Variants in TXNIP observed in about 807,000 individuals in gnomAD.
TXNIP encodes thioredoxin-interacting protein.
In TXNIP, 23 loss-of-function variants were observed where a neutral mutation model predicts 43.9. The ratio of observed to expected loss-of-function variants is 0.52; its 90% CI spans 0.38 to 0.74. TXNIP has a LOEUF of 0.74. Among genes scored for constraint, TXNIP ranks in the 30% least tolerant of loss-of-function variants. The pLI, the probability that TXNIP is intolerant of heterozygous loss-of-function variation, is 0.00. For missense variants in TXNIP, 555 were observed against 485.4 expected, an observed-to-expected ratio of 1.14 and a Z score of -1.35; for synonymous variants, 234 against 172.2, an observed-to-expected ratio of 1.36 and a Z score of -2.81.
In TXNIP at chr1:145,994,011, C is replaced by T; in HGVS notation, c.1140+5G>A. ...AAATTTAACAGTAAAGATGACAATC[C>T]TCACCTCAGTATAAGTCGGTGGTGG... On this transcript the variant is annotated splice_donor_5th_base_variant and intron_variant, in intron 7 of 7. Coordinates refer to ENST00000582401, the MANE Select transcript of TXNIP (RefSeq NM_006472.6). 6.2e-7 allele frequency: 1 copy of T among 1,614,140 alleles called. No individual in the cohort carries two copies.
rs1460375002 is a variant in TXNIP at position 145,992,642 on chromosome 1, G to A, written c.*1209C>T. Reference sequence around the variant, plus strand: ...GGGTGGAGCTCAGTGCTCTGACACAGGACAGTGAACAAAGTGCTATGGCTG... The same window carrying A: ...GGGTGGAGCTCAGTGCTCTGACACAAGACAGTGAACAAAGTGCTATGGCTG... On this transcript the variant is annotated 3_prime_UTR_variant, in exon 8 of 8. Coordinates refer to ENST00000582401, the MANE Select transcript of TXNIP (RefSeq NM_006472.6). The A allele has an allele frequency of 6.5e-6, 1 of 152,760 alleles. No homozygotes were observed. The highest frequency in any genetic ancestry group is 2.4e-5 in the African/African-American group (1 of 41,454). The allele number at this position is 152,760 out of a possible 1,614,324, so 9.5% of individuals were successfully genotyped here. A position where few individuals can be genotyped will look rare whatever the true frequency, so the allele number is the denominator to read the frequency against.
At position 145,993,860 on chromosome 1, in the gene TXNIP, A is replaced by G; in HGVS notation, c.1167T>C (p.Asn389=). ...CTTTTCTTCCACATGCTCACTGCAC[A>G]TTGTTGTTGAGGATGCAGGGATCCA... ...TEVDPCILNN[N]VQ is the part of the protein sequence containing the mutation. Residue 389 remains asparagine (N), a synonymous_variant, in exon 8 of 8, where the codon AAT becomes AAC. Transcript: ENST00000582401. 1 of 1,614,198 alleles carries G rather than the reference A, an allele frequency of 6.2e-7. No homozygotes were observed. The highest frequency in any genetic ancestry group is 8.5e-7 in the Non-Finnish European group (1 of 1,180,020).
At chr1:145,995,724 A>C (rs115324660) in intron 1 of TXNIP, 2 of 608,854 alleles carry the variant, frequency 3.3e-6, no homozygotes, top group East Asian at 5.5e-5. Flanking sequence ...TAACATCTCA[A>C]ATAGGAAGTA....
chr1:145,996,068 A>C lies in TXNIP; in HGVS notation c.199T>G (p.Ser67Ala). Residue 67 changes from serine (S) to alanine (A), a missense_variant, in exon 1 of 8, where the codon TCG becomes GCG. Ser to Ala is a moderately conservative substitution (Grantham distance 99). Coordinates refer to ENST00000582401, the MANE Select transcript of TXNIP (RefSeq NM_006472.6). ...MQGSQQCKQTSEYLRYEDTLL... is the reference protein window; with the variant it reads ...MQGSQQCKQTAEYLRYEDTLL... Reference sequence around the variant, plus strand: ...GTGTCTTCATAGCGCAGGTACTCCGAAGTCTGTTTGCACTGCTGGGATCCC... The same window carrying C: ...GTGTCTTCATAGCGCAGGTACTCCGCAGTCTGTTTGCACTGCTGGGATCCC... 6.2e-7 allele frequency: 1 copy of C among 1,614,076 alleles called. No individual in the cohort carries two copies. The highest frequency in any genetic ancestry group is 2.2e-5 in the East Asian group (1 of 44,878).
Position 145,996,250 on chromosome 1 carries a change from T to A in TXNIP, c.17A>T (p.Lys6Met), listed in dbSNP as rs1651524319. The stretch of plus-strand genomic sequence containing the variant: ...AAAGACCACCTCAAAAGACTTGATC[T>A]TCTTGAACATCACCATGATGGAACT... MVMFK[K>M]IKSFEVVFND... Residue 6 changes from lysine to methionine, a missense_variant, in exon 1 of 8, where the codon AAG (lysine) becomes ATG (methionine). Coordinates refer to ENST00000582401, the MANE Select transcript of TXNIP (RefSeq NM_006472.6). The A allele has an allele frequency of 6.2e-7, 1 of 1,614,080 alleles. No individual in the cohort carries two copies. The highest frequency in any genetic ancestry group is 8.5e-7 in the Non-Finnish European group (1 of 1,179,966).
In TXNIP at chr1:145,994,052, A is replaced by G. The variant is rs782025385; in HGVS notation, c.1104T>C (p.Pro368=). 11 of 1,614,174 alleles carry G rather than the reference A, an allele frequency of 6.8e-6. No individual in the cohort carries two copies. The South Asian group carries it at 1.2e-4, about 18-fold the overall frequency. The part of the protein sequence containing the change: ...SQDSPIFMYA[P]EFKFMPPPTY... ...TCGGTGGTGGCATGAACTTGAACTC[A>G]GGGGCATACATAAAGATAGGGCTGT... Residue 368 remains proline, a synonymous_variant, in exon 7 of 8, where the codon CCT becomes CCC. Transcript: ENST00000582401.
intron 5 of TXNIP, 50 bp from the exon 6 acceptor site, chr1:145,994,487 A>G (rs782820243): frequency 9.2e-5 from 148 of 1,613,046 alleles, no homozygotes; most frequent in Non-Finnish European, 1.2e-4. Context: ...GAGAAACAAG[A>G]CAGCTGTGGT....
Position 145,996,415 on chromosome 1 carries a change from T to A in TXNIP, c.-149A>T. ...TTGAGCTTAAAAATAAAATAAGATT[T>A]AAACAAATGAATATTAACTACTAGG... On this transcript the variant is annotated 5_prime_UTR_variant, in exon 1 of 8. Coordinates refer to ENST00000582401, the MANE Select transcript of TXNIP (RefSeq NM_006472.6). 2 of 981,586 alleles carry A rather than the reference T, an allele frequency of 2.0e-6. No individual in the cohort carries two copies. The highest frequency in any genetic ancestry group is 2.9e-6 in the Non-Finnish European group (2 of 680,266). The allele number at this position is 981,586 out of a possible 1,614,324, so 60.8% of individuals were successfully genotyped here.
Position 145,994,079 on chromosome 1 carries a change from T to C in TXNIP, c.1077A>G (p.Gln359=). The C allele has an allele frequency of 6.2e-7, 1 of 1,614,210 alleles. No individual in the cohort carries two copies. Among genetic ancestry groups the C allele is most frequent in the Non-Finnish European group, 8.5e-7 (1 of 1,180,034 alleles). Reference sequence around the variant, plus strand: ...GGGCATACATAAAGATAGGGCTGTCTTGAGAGCCATCCATGTCATCTAGCA... The same window carrying C: ...GGGCATACATAAAGATAGGGCTGTCCTGAGAGCCATCCATGTCATCTAGCA... ...TPLLDDMDGS[Q]DSPIFMYAPE... The change falls in exon 7 of 8, where the codon CAA becomes CAG. Residue 359 remains glutamine (Q), a synonymous_variant. Transcript: ENST00000582401.
In TXNIP at chr1:145,993,760, C is replaced by T; in HGVS notation, c.*91G>A. ...GCTAAGGTGGACCCACACTCCATTG[C>T]AGAGACTGTTGAGTCTCTGAAAAAG... On this transcript the variant is annotated 3_prime_UTR_variant, in exon 8 of 8. Coordinates refer to ENST00000582401, the MANE Select transcript of TXNIP (RefSeq NM_006472.6). 2 of 1,483,854 alleles carry T rather than the reference C, an allele frequency of 1.3e-6. No homozygotes were observed. Among genetic ancestry groups the T allele is most frequent in the Admixed American group, 1.8e-5 (1 of 55,468 alleles). 91.9% of individuals were successfully genotyped at this position (1,483,854 alleles called of 1,614,324 possible). A position where few individuals can be genotyped will look rare whatever the true frequency, so the allele number is the denominator to read the frequency against.
In TXNIP at chr1:145,996,280, T is replaced by C; in HGVS notation, c.-14A>G. 1 of 1,609,538 alleles carries C rather than the reference T, an allele frequency of 6.2e-7. No individual in the cohort carries two copies. Among genetic ancestry groups the C allele is most frequent in the Non-Finnish European group, 8.5e-7 (1 of 1,177,198 alleles). On this transcript the variant is annotated 5_prime_UTR_variant, in exon 1 of 8. Coordinates refer to ENST00000582401, the MANE Select transcript of TXNIP (RefSeq NM_006472.6). ...GAACATCACCATGATGGAACTGAGT[T>C]GGTTTTAAGAGTTAGAAATGACGGT...
Position 145,992,603 on chromosome 1 carries a change from T to A in TXNIP, c.*1248A>T, listed in dbSNP as rs1293420506. ...TTCAGCCCACACTTTCTGGCTGTAA[T>A]AACTCTCAGAAAAGGGTGGAGCTCA... On this transcript the variant is annotated 3_prime_UTR_variant, in exon 8 of 8. Coordinates refer to ENST00000582401, the MANE Select transcript of TXNIP (RefSeq NM_006472.6). 1 of 152,658 alleles carries A rather than the reference T, an allele frequency of 6.6e-6. No homozygotes were observed. Among genetic ancestry groups the A allele is most frequent in the African/African-American group, 2.4e-5 (1 of 41,450 alleles). The allele number at this position is 152,658 out of a possible 1,614,324, so 9.5% of individuals were successfully genotyped here. A position where few individuals can be genotyped will look rare whatever the true frequency, so the allele number is the denominator to read the frequency against.
intron 1 of TXNIP, 194 bp from the exon 2 acceptor site, chr1:145,995,670 C>T: frequency 4.7e-6 from 3 of 641,336 alleles, no homozygotes; most frequent in Non-Finnish European, 8.2e-6. Context: ...AGCAAGTTGC[C>T]AAGCCCTGCA....
intron 7 of TXNIP, 40 bp from the exon 8 acceptor site, chr1:145,993,926 A>G (rs781952806): frequency 5.0e-6 from 8 of 1,613,980 alleles, no homozygotes. Flanking sequence ...AGGTAAGAAC[A>G]AAAAGAACAA....
In TXNIP at chr1:145,993,564, A is replaced by G; in HGVS notation, c.*287T>C. 3.1e-6 allele frequency: 1 copy of G among 323,826 alleles called. No homozygotes were observed. The highest frequency in any genetic ancestry group is 5.7e-6 in the Non-Finnish European group (1 of 174,200). The allele number at this position is 323,826 out of a possible 1,614,324, so 20.1% of individuals were successfully genotyped here. ...ACCCGAAACTATCGAAAAGGCCTCA[A>G]TTTTCAAGGAGATCTGAGAAAATGG... On this transcript the variant is annotated 3_prime_UTR_variant, in exon 8 of 8. Transcript: ENST00000582401.
rs1327851862 is a variant in TXNIP at position 145,993,054 on chromosome 1, T to G, written c.*797A>C. On this transcript the variant is annotated 3_prime_UTR_variant, in exon 8 of 8. Transcript: ENST00000582401. Reference sequence around the variant, plus strand: ...ACAAAAAATTTGACAGGAATTAAAGTGCTAAGAACATCACCTTAGAATCAA... The same window carrying G: ...ACAAAAAATTTGACAGGAATTAAAGGGCTAAGAACATCACCTTAGAATCAA... 6.5e-6 allele frequency: 1 copy of G among 152,722 alleles called. No homozygotes were observed. Among genetic ancestry groups the G allele is most frequent in the Non-Finnish European group, 1.5e-5 (1 of 68,052 alleles). 9.5% of individuals were successfully genotyped at this position (152,722 alleles called of 1,614,324 possible). A position where few individuals can be genotyped will look rare whatever the true frequency, so the allele number is the denominator to read the frequency against.
chr1:145,995,884 GA>G, intron 1 of TXNIP, 132 bp downstream of exon 1: 3 of 1,154,944 alleles, frequency 2.6e-6, no homozygotes, highest in Non-Finnish European at 3.6e-6. Context: ...AATTAAAACA[GA>G]AAAAAGGAAG....
In TXNIP at chr1:145,996,133, C is replaced by T. The variant is rs782102956; in HGVS notation, c.134G>A (p.Arg45Lys). Residue 45 changes from arginine to lysine, a missense_variant, in exon 1 of 8, where the codon AGG (arginine) becomes AAG (lysine). By Grantham distance (26) the Arg-to-Lys change is conservative. Transcript: ENST00000582401. ...TTTAGCCACTCCGCAAGCCAGGATC[C>T]TAACGGCTTTGACACGAGTAACTTC... ...VCEVTRVKAV[R>K]ILACGVAKVL... 6.2e-7 allele frequency: 1 copy of T among 1,613,990 alleles called. No homozygotes were observed. Among genetic ancestry groups the T allele is most frequent in the Admixed American group, 1.7e-5 (1 of 59,982 alleles).
At position 145,996,378 on chromosome 1, in the gene TXNIP, T is replaced by C. The variant is rs1233474077; in HGVS notation, c.-112A>G. ...TATTTCACTTTAAGGAATTAAGGTA[T>C]TCTTAAGCAGTTTGAGCTTAAAAAT... On this transcript the variant is annotated 5_prime_UTR_variant, in exon 1 of 8. Coordinates refer to ENST00000582401, the MANE Select transcript of TXNIP (RefSeq NM_006472.6). 5 of 1,289,776 alleles carry C rather than the reference T, an allele frequency of 3.9e-6. 1 individual carries two copies. The South Asian group carries it at 5.8e-5, about 15-fold the overall frequency. 79.9% of individuals were successfully genotyped at this position (1,289,776 alleles called of 1,614,324 possible).
Sources: gnomAD v4.1 joint callset for allele counts on GRCh38, gnomAD v4.1.1 for gene constraint, MANE v1.5 for transcripts, NCBI Gene and HGNC (gene_info 2026-07-23, HGNC 2026-07-21) for gene names.